Variants in IL23R observed in about 807,000 individuals in gnomAD.
The protein encoded by IL23R is interleukin 23 receptor.
IL23R carries 34 observed loss-of-function variants against 56.9 expected under a neutral mutation model. The ratio of observed to expected loss-of-function variants is 0.60; its 90% CI spans 0.45 to 0.80. The LOEUF (loss-of-function observed/expected upper bound fraction) is 0.80. IL23R is among the 30% of genes least tolerant of loss of function. The probability of loss-of-function intolerance (pLI) is 0.00; values close to 1 mark genes in which losing one functional copy is unlikely to be tolerated. For missense variants in IL23R, 635 were observed against 730.0 expected, an observed-to-expected ratio of 0.87 and a Z score of 1.50; for synonymous variants, 230 against 249.2, an observed-to-expected ratio of 0.92 and a Z score of 0.73.
rs561129066 is a variant in IL23R at position 67,255,002 on chromosome 1, T to C, written c.1149-835T>C. 5.9e-5 allele frequency among the ~76,000 whole-genome samples: 9 copies of C among 152,240 alleles called. No individual in the cohort carries two copies. The East Asian group carries it at 1.5e-3, about 26-fold the overall frequency. On this transcript the variant is annotated intron_variant, in intron 9 of 10. Transcript: ENST00000347310. ...TGCAAGACATGTTCCCCAGCCTCCT[T>C]CTCCATCCGCATCAAGAAAGTTTGG...
chr1:67,157,552 TCTC>T (rs756164125), intron 1 of IL23R, among the ~76,000 whole-genome samples: 2 of 152,186 alleles, frequency 1.3e-5, no homozygotes, highest in African/African-American at 2.4e-5. Context: ...CTGCTACTGT[TCTC>T]CTCTTGCTCT....
At chr1:67,210,450 C>T (rs1033700611) in intron 6 of IL23R, among the ~76,000 whole-genome samples, 18 of 151,166 alleles carry the variant, frequency 1.2e-4, no homozygotes, top group Admixed American at 9.2e-4. Context: ...TTTTTTTTCC[C>T]TTCCGATACT....
intron 6 of IL23R, among the ~76,000 whole-genome samples, chr1:67,218,352 G>A (rs4993853): frequency 0.077 from 7,710 of 100,020 alleles, 645 homozygotes; most frequent in African/African-American, 0.23. Context: ...GTGTGTGTGT[G>A]TGTGTGTATA....
chr1:67,235,233 G>A (rs1171381012), intron 7 of IL23R, among the ~76,000 whole-genome samples: 1 of 152,148 alleles, frequency 6.6e-6, no homozygotes, highest in Non-Finnish European at 1.5e-5. Context: ...AATTCCGGGT[G>A]AAACATTTTC....
At chr1:67,153,798 C>T (rs1570759213) in intron 1 of IL23R, among the ~76,000 whole-genome samples, 1 of 151,776 alleles carries the variant, frequency 6.6e-6, no homozygotes, top group South Asian at 2.1e-4. Context: ...TGGAGTCTCG[C>T]TCTGTCACCC....
At position 67,240,208 on chromosome 1, in the gene IL23R, G is replaced by A; in HGVS notation, c.1075G>A (p.Gly359Arg). ...CAGAGGAGACATTGGACTTTTATTGGGAATGATCGTCTTTGCTGTTATGTT... is the reference window on the plus strand; with the variant it reads ...CAGAGGAGACATTGGACTTTTATTGAGAATGATCGTCTTTGCTGTTATGTT... ...DNRGDIGLLL[G>R]MIVFAVMLSI... The change falls in exon 9 of 11, where the codon GGA (glycine) becomes AGA (arginine). Residue 359 changes from glycine to arginine, a missense_variant. Coordinates refer to ENST00000347310, the MANE Select transcript of IL23R (RefSeq NM_144701.3). 1 of 1,612,298 alleles carries A rather than the reference G, an allele frequency of 6.2e-7. No individual in the cohort carries two copies.
At chr1:67,161,696 C>T (rs1397267570), upstream of IL23R, among the ~76,000 whole-genome samples, 2 of 152,014 alleles carry the variant, frequency 1.3e-5, no homozygotes, top group Middle Eastern at 3.4e-3. Context: ...GGCGCGATCT[C>T]GGCTCACTGC....
chr1:67,241,064 A>C (rs1263742965), intron 9 of IL23R, among the ~76,000 whole-genome samples: 1 of 152,250 alleles, frequency 6.6e-6, no homozygotes, highest in East Asian at 1.9e-4. Flanking sequence ...GTTACAGTTC[A>C]TCCACAAGGA....
At chr1:67,238,484 C>A (rs370630826) in intron 8 of IL23R, among the ~76,000 whole-genome samples, 21 of 152,144 alleles carry the variant, frequency 1.4e-4, no homozygotes, top group African/African-American at 4.8e-4. Context: ...ACAGACCTAC[C>A]TACACCTTGA....
chr1:67,229,580 C>T (rs917296038), intron 7 of IL23R, among the ~76,000 whole-genome samples: 1 of 152,172 alleles, frequency 6.6e-6, no homozygotes, highest in Non-Finnish European at 1.5e-5. Context: ...GTTGAAAAAT[C>T]CCAACCTTCT....
At chr1:67,222,102 C>CTTTTTTTTTTTTT (rs72241835) in intron 7 of IL23R, among the ~76,000 whole-genome samples, 72 of 58,884 alleles carry the variant, frequency 1.2e-3, no homozygotes, top group Non-Finnish European at 1.5e-3. Context: ...TTCTTTCTTT[C>CTTTTTTTTTTTTT]TTTTTTTTTT....
At chr1:67,189,542 C>T (rs1408418692) in intron 4 of IL23R, among the ~76,000 whole-genome samples, 1 of 152,218 alleles carries the variant, frequency 6.6e-6, no homozygotes. Context: ...TGAATGTTCT[C>T]CTCTAGAAAA....
chr1:67,251,437 G>A (rs1652616649), intron 9 of IL23R, among the ~76,000 whole-genome samples: 1 of 134,266 alleles, frequency 7.4e-6, no homozygotes, highest in Non-Finnish European at 1.6e-5. Context: ...GGGTGACAGA[G>A]CGAGACTCTG....
intron 9 of IL23R, among the ~76,000 whole-genome samples, chr1:67,244,237 A>G (rs1652047479): frequency 1.3e-5 from 2 of 152,172 alleles, no homozygotes; most frequent in Non-Finnish European, 2.9e-5. Context: ...GTAGATTGCA[A>G]AAATTTTCTC....
At chr1:67,243,430 G>A (rs944894608) in intron 9 of IL23R, among the ~76,000 whole-genome samples, 1 of 151,988 alleles carries the variant, frequency 6.6e-6, no homozygotes, top group Non-Finnish European at 1.5e-5. Flanking sequence ...ATCTACATTA[G>A]GAATTTCTCC....
chr1:67,141,105 T>C (rs1388988153), intron 1 of IL23R, among the ~76,000 whole-genome samples: 9 of 152,198 alleles, frequency 5.9e-5, no homozygotes, highest in Non-Finnish European at 1.2e-4. Context: ...GTGTATGATA[T>C]TGTGTTAATT....
intron 3 of IL23R, among the ~76,000 whole-genome samples, chr1:67,170,778 G>T (rs1423262380): frequency 6.6e-6 from 1 of 152,102 alleles, no homozygotes; most frequent in East Asian, 1.9e-4. Context: ...CAACTTAGCT[G>T]GGGGGCAGAC....
intron 4 of IL23R, among the ~76,000 whole-genome samples, chr1:67,200,389 C>T (rs1648530773): frequency 6.7e-6 from 1 of 149,852 alleles, no homozygotes; most frequent in Admixed American, 6.7e-5. Flanking sequence ...TTAATTCAAA[C>T]TTTTTTTCTT....
chr1:67,145,937 G>A (rs549038205), intron 1 of IL23R, among the ~76,000 whole-genome samples: 1 of 152,286 alleles, frequency 6.6e-6, no homozygotes, highest in South Asian at 2.1e-4. Context: ...GGTGTCTACA[G>A]CTTCCAACTT....
Sources: gnomAD v4.1 joint callset for allele counts (sites outside exome capture counted in the v4.1 genomes callset) on GRCh38, gnomAD v4.1.1 for gene constraint, MANE v1.5 for transcripts, NCBI Gene and HGNC (gene_info 2026-07-23, HGNC 2026-07-21) for gene names.